Variants in PARD3 observed in about 807,000 individuals in gnomAD.
PARD3 encodes the protein par-3 family cell polarity regulator, also known as partitioning defective 3 homolog.
Under a neutral mutation model 155.4 loss-of-function variants are expected in PARD3, and 75 were observed. The observed-to-expected ratio is 0.48, with a 90% CI of 0.40 to 0.58. PARD3 has a LOEUF of 0.58. Among genes scored for constraint, PARD3 ranks in the 20% least tolerant of loss-of-function variants. The probability of loss-of-function intolerance (pLI) is 0.00; values close to 1 mark genes in which losing one functional copy is unlikely to be tolerated. For missense variants in PARD3, 1,642 were observed against 1,721.7 expected, an observed-to-expected ratio of 0.95 and a Z score of 0.82; for synonymous variants, 576 against 610.5, an observed-to-expected ratio of 0.94 and a Z score of 0.83.
At chr10:34,445,712 T>C (rs1328135397) in intron 5 of PARD3, among the ~76,000 whole-genome samples, 2 of 152,154 alleles carry the variant, frequency 1.3e-5, no homozygotes, top group Non-Finnish European at 2.9e-5. Flanking sequence ...AGTTATATCT[T>C]TATGATATAA....
At chr10:34,786,566 T>C (rs913339441) in intron 1 of PARD3, among the ~76,000 whole-genome samples, 5 of 152,200 alleles carry the variant, frequency 3.3e-5, no homozygotes, top group Non-Finnish European at 5.9e-5. Flanking sequence ...AGCAATTTTA[T>C]GAATGGCAAA....
chr10:34,293,635 T>C (rs1956774797), intron 20 of PARD3, among the ~76,000 whole-genome samples: 1 of 152,214 alleles, frequency 6.6e-6, no homozygotes, highest in Non-Finnish European at 1.5e-5. Flanking sequence ...TATGACTATA[T>C]TCCTAATTCT....
chr10:34,560,154 C>G (rs1196500901), intron 2 of PARD3, among the ~76,000 whole-genome samples: 1 of 152,068 alleles, frequency 6.6e-6, no homozygotes, highest in Non-Finnish European at 1.5e-5. Flanking sequence ...ACAGGAGAAA[C>G]CATAGCTAAC....
At chr10:34,453,135 G>A (rs1277753131) in intron 4 of PARD3, among the ~76,000 whole-genome samples, 3 of 152,192 alleles carry the variant, frequency 2.0e-5, no homozygotes, top group Non-Finnish European at 2.9e-5. Flanking sequence ...GGGAATTTCA[G>A]ACAATGGTGC....
At chr10:34,492,763 A>C (rs2080002341) in intron 3 of PARD3, among the ~76,000 whole-genome samples, 1 of 152,226 alleles carries the variant, frequency 6.6e-6, no homozygotes, top group African/African-American at 2.4e-5. Context: ...ATGTCACTAT[A>C]ATCTTGTGAA....
chr10:34,142,215 C>T (rs1305689787), intron 22 of PARD3, among the ~76,000 whole-genome samples: 1 of 152,030 alleles, frequency 6.6e-6, no homozygotes, highest in African/African-American at 2.4e-5. Context: ...AAAATGTTTT[C>T]GGGGTATACC....
chr10:34,667,652 A>G (rs1564482917), intron 2 of PARD3, among the ~76,000 whole-genome samples: 1 of 152,244 alleles, frequency 6.6e-6, no homozygotes, highest in Non-Finnish European at 1.5e-5. Flanking sequence ...GCATTAAGGC[A>G]TTCACATAGG....
intron 2 of PARD3, among the ~76,000 whole-genome samples, chr10:34,660,203 TC>T (rs751247338): frequency 1.3e-5 from 2 of 152,150 alleles, no homozygotes; most frequent in Middle Eastern, 3.2e-3. Context: ...CCCCTGCCTC[TC>T]CCTCCATTGT....
intron 24 of PARD3, among the ~76,000 whole-genome samples, chr10:34,114,388 G>A (rs1397084032): frequency 1.3e-5 from 2 of 152,140 alleles, no homozygotes; most frequent in African/African-American, 4.8e-5. Flanking sequence ...CTTTTGCCCA[G>A]GGTGGAGTAC....
At chr10:34,549,988 A>G (rs1389659352) in intron 2 of PARD3, among the ~76,000 whole-genome samples, 2 of 152,152 alleles carry the variant, frequency 1.3e-5, no homozygotes, top group Non-Finnish European at 2.9e-5. Context: ...CCAGTCAACA[A>G]GAATCATGCT....
chr10:34,805,038 A>G (rs1007725705), intron 1 of PARD3, among the ~76,000 whole-genome samples: 1 of 152,208 alleles, frequency 6.6e-6, no homozygotes, highest in African/African-American at 2.4e-5. Flanking sequence ...TTAGTTTTCT[A>G]ATCTAAAGGG....
intron 5 of PARD3, among the ~76,000 whole-genome samples, chr10:34,430,718 C>T (rs1011351147): frequency 2.6e-5 from 4 of 152,058 alleles, no homozygotes; most frequent in East Asian, 1.9e-4. Flanking sequence ...ATAAGCTGTC[C>T]GCTATGGTAT....
chr10:34,529,213 T>C (rs926141144), intron 2 of PARD3, among the ~76,000 whole-genome samples: 1 of 152,146 alleles, frequency 6.6e-6, no homozygotes, highest in African/African-American at 2.4e-5. Flanking sequence ...ACAGGTTTCA[T>C]CCAATCTGAA....
intron 2 of PARD3, among the ~76,000 whole-genome samples, chr10:34,611,732 G>A (rs2132623994): frequency 6.6e-6 from 1 of 152,008 alleles, no homozygotes; most frequent in South Asian, 2.1e-4. Context: ...ATGGGGACGG[G>A]AGAGAGCTAA....
intron 2 of PARD3, among the ~76,000 whole-genome samples, chr10:34,562,513 G>A (rs912383361): frequency 1.7e-4 from 26 of 152,138 alleles, no homozygotes; most frequent in African/African-American, 5.8e-4. Context: ...CAGCAGCACC[G>A]AGCTCACATG....
At chr10:34,524,414 T>C (rs2133726924) in intron 2 of PARD3, among the ~76,000 whole-genome samples, 1 of 152,348 alleles carries the variant, frequency 6.6e-6, no homozygotes, top group South Asian at 2.1e-4. Flanking sequence ...TGATACTCCC[T>C]AGCCCTGATG....
intron 2 of PARD3, among the ~76,000 whole-genome samples, chr10:34,628,546 G>A (rs1045301963): frequency 1.3e-5 from 2 of 152,228 alleles, no homozygotes; most frequent in Admixed American, 1.3e-4. Flanking sequence ...GTACAGAAAC[G>A]AGTGGGTGTG....
intron 5 of PARD3, among the ~76,000 whole-genome samples, chr10:34,426,345 T>C (rs758075268): frequency 6.6e-6 from 1 of 152,208 alleles, no homozygotes; most frequent in Non-Finnish European, 1.5e-5. Flanking sequence ...GCATTTTCAA[T>C]ATAAATGTTA....
At chr10:34,783,599 G>A (rs186048827) in intron 1 of PARD3, among the ~76,000 whole-genome samples, 2,047 of 73,970 alleles carry the variant, frequency 0.028, 65 homozygotes, top group African/African-American at 0.12. Context: ...ACGAGACTCC[G>A]TCTTCAAAAA....
Sources: allele counts gnomAD v4.1 joint callset (sites outside exome capture counted in the v4.1 genomes callset), GRCh38; gene constraint gnomAD v4.1.1; transcripts MANE v1.5; gene names NCBI Gene and HGNC (gene_info 2026-07-23, HGNC 2026-07-21).